Variants in TNNT1 observed in about 807,000 individuals in gnomAD.
The protein encoded by TNNT1 is troponin T1, slow skeletal type, also known as troponin T, slow skeletal muscle.
A neutral mutation model predicts 50.6 loss-of-function variants in TNNT1; 53 were observed. That is an observed-to-expected ratio of 1.05 (90% CI 0.84 to 1.32). The LOEUF is 1.32. TNNT1 is among the 40% of genes most tolerant of loss of function. The pLI, the probability that TNNT1 is intolerant of heterozygous loss-of-function variation, is 0.00. For missense variants in TNNT1, 348 were observed against 381.7 expected (o/e 0.91, Z 0.74); for synonymous variants, 142 against 138.0 (o/e 1.03, Z -0.20).
rs531864401 is a variant in TNNT1, at chr19:55,146,389, C to T, written c.106+45G>A. ...GGCCCGAGGATATCGGGGGTCCCCCCGGGCCCCCGACATCGGTCTCGGGAA... is the reference window on the plus strand; with the variant it reads ...GGCCCGAGGATATCGGGGGTCCCCCTGGGCCCCCGACATCGGTCTCGGGAA... On this transcript the variant is annotated intron_variant, in intron 5 of 13. Transcript: ENST00000588981. 264 of 1,323,782 alleles carry T rather than the reference C, an allele frequency of 2.0e-4. 1 individual carries two copies. The Middle Eastern group carries it at 2.2e-3, about 11-fold the overall frequency. 82.0% of individuals were successfully genotyped at this position (1,323,782 alleles called of 1,614,324 possible). A position where few individuals can be genotyped will look rare whatever the true frequency, so the allele number is the denominator to read the frequency against.
chr19:55,147,029 C>A lies in TNNT1; in HGVS notation c.33-8G>T, dbSNP rs76630067. ...TCACCTTCCGGCTGCTCCCTGCGGA[C>A]GGGTGTGGGGAGAGAGGAGGGAGGG... On this transcript the variant is annotated splice_region_variant and splice_polypyrimidine_tract_variant and intron_variant, in intron 2 of 13. Coordinates refer to ENST00000588981, the MANE Select transcript of TNNT1 (RefSeq NM_003283.6). 1.9e-6 allele frequency: 3 copies of A among 1,611,572 alleles called. No individual in the cohort carries two copies. Among genetic ancestry groups the A allele is most frequent in the African/African-American group, 2.7e-5 (2 of 74,890 alleles).
intron 7 of TNNT1, among the ~76,000 whole-genome samples, chr19:55,141,646 G>T (rs547034623): frequency 1.3e-5 from 2 of 152,030 alleles, no homozygotes; most frequent in Non-Finnish European, 2.9e-5. Context: ...ACCACGCCCG[G>T]CTAATTTTTG....
Position 55,146,709 on chromosome 19 carries a change from TG to T in TNNT1, c.47-3del. The stretch of plus-strand genomic sequence containing the variant: ...CCTCCTCCTCCTCCGCAGCCTCCTC[TG>T]GAGATGGGGGCACAGAAGAGAAGGC... On this transcript the variant is annotated splice_region_variant and splice_polypyrimidine_tract_variant and intron_variant, in intron 3 of 13. Coordinates refer to ENST00000588981, the MANE Select transcript of TNNT1 (RefSeq NM_003283.6). 6.7e-7 allele frequency: 1 copy of T among 1,503,286 alleles called. No homozygotes were observed. Among genetic ancestry groups the T allele is most frequent in the Non-Finnish European group, 8.9e-7 (1 of 1,124,310 alleles). The allele number at this position is 1,503,286 out of a possible 1,614,324, so 93.1% of individuals were successfully genotyped here. A position where few individuals can be genotyped will look rare whatever the true frequency, so the allele number is the denominator to read the frequency against.
chr19:55,147,790 G>A (rs11670746), intron 1 of TNNT1, among the ~76,000 whole-genome samples: 7,549 of 135,928 alleles, frequency 0.056, 316 homozygotes, highest in Non-Finnish European at 0.082. Context: ...GAGGGTCTGG[G>A]GGCCTGGCCT....
chr19:55,137,141 C>T lies in TNNT1; in HGVS notation c.573G>A (p.Lys191=). 3 of 1,610,734 alleles carry T rather than the reference C, an allele frequency of 1.9e-6. No individual in the cohort carries two copies. The highest frequency in any genetic ancestry group is 1.7e-6 in the Non-Finnish European group (2 of 1,178,520). The part of the protein sequence containing the change: ...MKVRILSERK[K]PLDIDYMGEE... ...CCCCCATGTAGTCAATGTCCAGAGG[C>T]TTCTTACGCTCGGAGAGGATGCGCA... is the stretch of plus-strand genomic sequence containing the variant. The change falls in exon 11 of 14, where the codon AAG becomes AAA. Residue 191 remains lysine (K), a synonymous_variant. Transcript: ENST00000588981.
Position 55,149,149 on chromosome 19 carries a change from A to C in TNNT1, c.-12+12T>G. On this transcript the variant is annotated intron_variant, in intron 1 of 13. Coordinates refer to ENST00000588981, the MANE Select transcript of TNNT1 (RefSeq NM_003283.6). ...GTTTTTGAAGACCACAGGGCTCCGC[A>C]GAGCCCCTTACCTAGGCTGTGTCTG... The C allele has an allele frequency of 2.2e-6, 1 of 456,272 alleles. No individual in the cohort carries two copies. The highest frequency in any genetic ancestry group is 4.4e-6 in the Non-Finnish European group (1 of 226,926). 28.3% of individuals were successfully genotyped at this position (456,272 alleles called of 1,614,324 possible).
chr19:55,146,338 G>T, intron 5 of TNNT1, 96 bp downstream of exon 5: 1 of 827,626 alleles, frequency 1.2e-6, no homozygotes, highest in Non-Finnish European at 1.7e-6. Context: ...GGGGCGGAGG[G>T]AGGGAAGGGT....
At chr19:55,143,338 T>A (rs2147260431) in intron 6 of TNNT1, among the ~76,000 whole-genome samples, 1 of 152,238 alleles carries the variant, frequency 6.6e-6, no homozygotes, top group South Asian at 2.1e-4. Flanking sequence ...TGGCTTGCCA[T>A]CTATTTCTAT....
In TNNT1 at chr19:55,137,221, G is replaced by C. The variant is rs746683905; in HGVS notation, c.502-9C>G. On this transcript the variant is annotated splice_polypyrimidine_tract_variant and intron_variant, in intron 10 of 13. Coordinates refer to ENST00000588981, the MANE Select transcript of TNNT1 (RefSeq NM_003283.6). ...CCACGCTTCTGTTCTGCCTGAGGGT[G>C]GGGGAGGCGGAACAGTAAACTGGGG... 5 of 1,601,940 alleles carry C rather than the reference G, an allele frequency of 3.1e-6. No individual in the cohort carries two copies. The Admixed American group carries it at 6.7e-5, about 21-fold the overall frequency.
intron 6 of TNNT1, 77 bp downstream of exon 6, chr19:55,145,467 T>G (rs1431372442): frequency 1.4e-6 from 2 of 1,466,564 alleles, no homozygotes; most frequent in African/African-American, 2.8e-5. Flanking sequence ...TCTGCCTTTC[T>G]CACACCTTGT....
chr19:55,147,102 A>G (rs747203874), intron 2 of TNNT1, 24 bp downstream of exon 2: 16 of 1,613,528 alleles, frequency 9.9e-6, no homozygotes, highest in Non-Finnish European at 1.7e-6. Context: ...TGCACGCCCC[A>G]ACCCCTCCCA....
At chr19:55,133,832 G>A in intron 13 of TNNT1, 55 bp downstream of exon 13, 3 of 1,608,474 alleles carry the variant, frequency 1.9e-6, no homozygotes, top group Non-Finnish European at 8.5e-7. Context: ...AAAGAGGCCT[G>A]AGAGTCAGCG....
intron 9 of TNNT1, 59 bp downstream of exon 9, chr19:55,140,824 A>AT: frequency 1.5e-6 from 2 of 1,304,798 alleles, no homozygotes; most frequent in African/African-American, 1.5e-5. Context: ...AATAATAACA[A>AT]AATGGGCATC....
At chr19:55,146,796 G>C (rs1300565006) in intron 3 of TNNT1, 89 bp from the exon 4 acceptor site, 3 of 1,201,874 alleles carry the variant, frequency 2.5e-6, no homozygotes, top group African/African-American at 3.1e-5. Context: ...GTCTCTGCTG[G>C]ACGGGGGTCC....
intron 9 of TNNT1, among the ~76,000 whole-genome samples, 175 bp from the exon 10 acceptor site, chr19:55,138,249 C>G (rs926974657): frequency 6.6e-6 from 1 of 151,444 alleles, no homozygotes; most frequent in Non-Finnish European, 1.5e-5. Flanking sequence ...CACGTCTCCC[C>G]GTGTGACCAC....
At chr19:55,148,766 A>G (rs954477171) in intron 1 of TNNT1, among the ~76,000 whole-genome samples, 5 of 151,210 alleles carry the variant, frequency 3.3e-5, no homozygotes, top group Non-Finnish European at 5.9e-5. Flanking sequence ...CAAAACCCCA[A>G]TTTCTTCTGA....
chr19:55,142,281 T>C (rs988624317), intron 6 of TNNT1, among the ~76,000 whole-genome samples: 2 of 150,720 alleles, frequency 1.3e-5, no homozygotes, highest in South Asian at 2.1e-4. Flanking sequence ...CCACCAAGCC[T>C]GGCTAATTTT....
At chr19:55,137,822 A>G in intron 10 of TNNT1, 139 bp downstream of exon 10, 1 of 1,030,054 alleles carries the variant, frequency 9.7e-7, no homozygotes, top group Non-Finnish European at 1.5e-6. Flanking sequence ...CCTCAGACCC[A>G]GGAGTTCAGG....
At chr19:55,141,159 C>A (rs201908002) in intron 8 of TNNT1, 27 bp downstream of exon 8, 1 of 1,594,616 alleles carries the variant, frequency 6.3e-7, no homozygotes, top group Non-Finnish European at 8.6e-7. Context: ...GGAGGAAGAC[C>A]GGGGGGAACC....
Sources: allele counts gnomAD v4.1 joint callset (sites outside exome capture counted in the v4.1 genomes callset), GRCh38; gene constraint gnomAD v4.1.1; transcripts MANE v1.5; gene names NCBI Gene and HGNC (gene_info 2026-07-23, HGNC 2026-07-21).